Variants in PHIP observed in about 807,000 individuals in gnomAD.
PHIP encodes PHIP subunit of CUL4-Ring ligase complex.
A neutral mutation model predicts 236.8 loss-of-function variants in PHIP; 54 were observed. That is an observed-to-expected ratio of 0.23 (90% confidence interval 0.18 to 0.29). The LOEUF (loss-of-function observed/expected upper bound fraction) is 0.29, where lower values mean the gene tolerates loss of function less well. Among genes scored for constraint, PHIP ranks in the 10% least tolerant of loss-of-function variants. The probability of loss-of-function intolerance (pLI) is 1.00; values close to 1 mark genes in which losing one functional copy is unlikely to be tolerated. For synonymous variants in PHIP, 756 were observed against 718.9 expected (o/e 1.05, Z -0.83); for missense variants, 1,370 against 2,190.8 (o/e 0.63, Z 7.48).
At chr6:78,989,083 C>T (rs187685430) in intron 20 of PHIP, among the ~76,000 whole-genome samples, 214 of 120,814 alleles carry the variant, frequency 1.8e-3, no homozygotes, top group African/African-American at 5.6e-3. Flanking sequence ...AAAATTTATA[C>T]CTAAAAAACA....
chr6:79,050,243 G>C (rs1051917999), intron 6 of PHIP, among the ~76,000 whole-genome samples: 1 of 152,134 alleles, frequency 6.6e-6, no homozygotes, highest in African/African-American at 2.4e-5. Flanking sequence ...AGCAAATTTA[G>C]AGAATAACAG....
intron 15 of PHIP, 52 bp downstream of exon 15, chr6:79,015,029 TC>T (rs1289638695): frequency 6.7e-7 from 1 of 1,501,184 alleles, no homozygotes. Context: ...AGTACCTTTG[TC>T]AAAAAGCTCC....
chr6:79,012,109 T>G (rs1393086702), intron 15 of PHIP, among the ~76,000 whole-genome samples: 1 of 151,672 alleles, frequency 6.6e-6, no homozygotes, highest in Non-Finnish European at 1.5e-5. Context: ...TTTCCATAAT[T>G]ACACAAAAAA....
chr6:79,025,669 A>G lies in PHIP; in HGVS notation c.823-50T>C, dbSNP rs111690241. 4 of 1,170,930 alleles carry G rather than the reference A, an allele frequency of 3.4e-6. No homozygotes were observed. The African/African-American group carries it at 4.6e-5, about 14-fold the overall frequency. 72.5% of individuals were successfully genotyped at this position (1,170,930 alleles called of 1,614,324 possible). A position where few individuals can be genotyped will look rare whatever the true frequency, so the allele number is the denominator to read the frequency against. ...AATCTTTACAAGAGTGACACAGTCA[A>G]AATAAAATCTACTTTTTGCCATACA... On this transcript the variant is annotated intron_variant, in intron 8 of 39. Transcript: ENST00000275034.
intron 13 of PHIP, 105 bp from the exon 14 acceptor site, chr6:79,015,888 A>G (rs1562180873): frequency 2.9e-6 from 2 of 690,588 alleles, no homozygotes; most frequent in East Asian, 2.9e-5. Flanking sequence ...CATAATAACT[A>G]TCACTTAACA....
chr6:78,988,165 T>A, intron 21 of PHIP, 44 bp downstream of exon 21: 1 of 1,379,154 alleles, frequency 7.3e-7, no homozygotes. Flanking sequence ...TTTAAAAAAA[T>A]AAGTAAAAAT....
chr6:79,052,854 G>C (rs1419761863), intron 6 of PHIP, among the ~76,000 whole-genome samples: 2 of 152,136 alleles, frequency 1.3e-5, no homozygotes, highest in Non-Finnish European at 2.9e-5. Flanking sequence ...AATGGACAGA[G>C]CTGGCACATT....
intron 6 of PHIP, among the ~76,000 whole-genome samples, chr6:79,047,722 G>A (rs1772573709): frequency 2.0e-5 from 3 of 151,970 alleles, no homozygotes; most frequent in Non-Finnish European, 4.4e-5. Flanking sequence ...ATTTTACACA[G>A]TCAATTATAT....
intron 19 of PHIP, among the ~76,000 whole-genome samples, chr6:78,995,292 C>G (rs1769535469): frequency 6.6e-6 from 1 of 152,122 alleles, no homozygotes; most frequent in Non-Finnish European, 1.5e-5. Context: ...ATCTTTCTGG[C>G]TTTTGGGTAT....
At chr6:78,959,551 A>G (rs1292012315) in intron 31 of PHIP, among the ~76,000 whole-genome samples, 1 of 152,168 alleles carries the variant, frequency 6.6e-6, no homozygotes, top group East Asian at 1.9e-4. Flanking sequence ...TAAGAAGTCT[A>G]ACACCAATGA....
intron 32 of PHIP, chr6:78,957,030 T>TA (rs70977754): frequency 2.0e-5 from 3 of 151,996 alleles, no homozygotes; most frequent in Non-Finnish European, 2.9e-5. Flanking sequence ...GACTATCTGC[T>TA]AAAAAAAGTA....
At chr6:79,074,314 T>C (rs1239666147) in intron 4 of PHIP, among the ~76,000 whole-genome samples, 1 of 151,938 alleles carries the variant, frequency 6.6e-6, no homozygotes, top group Non-Finnish European at 1.5e-5. Context: ...GAGTGCCAAA[T>C]TCGGTAAAAT....
chr6:79,016,685 T>C (rs766862856), intron 12 of PHIP, 43 bp from the exon 13 acceptor site: 1 of 1,228,236 alleles, frequency 8.1e-7, no homozygotes, highest in Admixed American at 2.0e-5. Flanking sequence ...AAATCATACA[T>C]GCTTTACCAA....
intron 2 of PHIP, 52 bp from the exon 3 acceptor site, chr6:79,077,781 C>T (rs1774258505): frequency 4.2e-6 from 4 of 951,772 alleles, no homozygotes; most frequent in African/African-American, 1.8e-5. Context: ...GCCGCGGCCC[C>T]GCCGCCGCCG....
At chr6:79,070,245 G>T (rs991215989) in intron 4 of PHIP, among the ~76,000 whole-genome samples, 1 of 152,176 alleles carries the variant, frequency 6.6e-6, no homozygotes, top group Non-Finnish European at 1.5e-5. Context: ...AGCATTATTA[G>T]TAAAACGTTA....
chr6:79,007,585 C>T (rs1033554240), intron 15 of PHIP, among the ~76,000 whole-genome samples: 9 of 150,642 alleles, frequency 6.0e-5, no homozygotes, highest in Non-Finnish European at 8.9e-5. Context: ...AAAATATGGG[C>T]TATCTTAGGC....
At chr6:78,969,633 A>G (rs1297991996) in intron 27 of PHIP, among the ~76,000 whole-genome samples, 1 of 152,178 alleles carries the variant, frequency 6.6e-6, no homozygotes, top group African/African-American at 2.4e-5. Context: ...AAAATGTTTT[A>G]AATTTCAACA....
chr6:79,067,064 T>C lies in PHIP; in HGVS notation c.190-6246A>G, dbSNP rs1447019796. On this transcript the variant is annotated intron_variant, in intron 4 of 39. Transcript: ENST00000275034. The stretch of plus-strand genomic sequence containing the variant: ...ACATCACACCTAATTTTTATTTTAT[T>C]TTTTTAGATACAGCATCTCTCTATG... Among the ~76,000 whole-genome samples, 7 of 152,296 alleles carry C rather than the reference T, an allele frequency of 4.6e-5. No individual in the cohort carries two copies. The South Asian group carries it at 1.0e-3, about 23-fold the overall frequency.
At chr6:78,953,555 C>T (rs1299633368) in intron 35 of PHIP, among the ~76,000 whole-genome samples, 3 of 152,062 alleles carry the variant, frequency 2.0e-5, no homozygotes, top group African/African-American at 7.2e-5. Context: ...CAGCTCAGTC[C>T]CAGGTTTTTT....
Sources: allele counts gnomAD v4.1 joint callset (sites outside exome capture counted in the v4.1 genomes callset), GRCh38; gene constraint gnomAD v4.1.1; transcripts MANE v1.5; gene names NCBI Gene and HGNC (gene_info 2026-07-23, HGNC 2026-07-21).